The following PLAUR variants were observed in gnomAD, a reference collection of about 807,000 sequenced individuals.
PLAUR encodes urokinase plasminogen activator surface receptor.
In PLAUR, 22 loss-of-function variants were observed where a neutral mutation model predicts 33.4. The ratio of observed to expected loss-of-function variants is 0.66; its 90% CI spans 0.47 to 0.94. The LOEUF is 0.94. PLAUR is among the 40% of genes least tolerant of loss of function. The pLI, the probability that PLAUR is intolerant of heterozygous loss-of-function variation, is 0.00. For missense variants in PLAUR, 408 were observed against 434.7 expected, an observed-to-expected ratio of 0.94 and a Z score of 0.55; for synonymous variants, 148 against 167.3, an observed-to-expected ratio of 0.88 and a Z score of 0.89.
chr19:43,646,450 A>G, downstream of PLAUR: 1 of 718,202 alleles, frequency 1.4e-6, no homozygotes. Context: ...CTATCTCCAC[A>G]TGGCATTTAT....
chr19:43,668,101 G>A, intron 1 of PLAUR: 1 of 1,013,172 alleles, frequency 9.9e-7, no homozygotes, highest in African/African-American at 1.7e-5. Flanking sequence ...TTCTAGCCTT[G>A]CCCCACCCGC....
rs143625141 is a variant in PLAUR at position 43,656,584 on chromosome 19, A to G, written c.367T>C (p.Ser123Pro). Residue 123 changes from serine (S) to proline (P), a missense_variant, in exon 4 of 7, where the codon TCA (serine) becomes CCA (proline). Coordinates refer to ENST00000340093, the MANE Select transcript of PLAUR (RefSeq NM_002659.4). ...CGGCCCCTCTCACAGCTCATGTCTG[A>G]TGAGCCACAGGAAATGCATTCGAGG... ...RYLECISCGSSDMSCERGRHQ... is the reference protein window; with the variant it reads ...RYLECISCGSPDMSCERGRHQ... The G allele has an allele frequency of 6.2e-6, 10 of 1,612,424 alleles. No homozygotes were observed. Among genetic ancestry groups the G allele is most frequent in the Non-Finnish European group, 7.6e-6 (9 of 1,179,210 alleles).
intron 1 of PLAUR, chr19:43,668,065 A>C: frequency 9.5e-7 from 1 of 1,049,714 alleles, no homozygotes. Context: ...TCGGTCGATT[A>C]CGCCTCTCCA....
rs542480431 is a variant in PLAUR, at chr19:43,663,471, G to C, written c.310+1845C>G. Among the ~76,000 whole-genome samples, 328 of 151,948 alleles carry C rather than the reference G, an allele frequency of 2.2e-3. 1 individual carries two copies. Among genetic ancestry groups the C allele is most frequent in the African/African-American group, 7.5e-3 (312 of 41,442 alleles). ...CCAACTATGCAAGTTGCCACAAGCA[G>C]GGTACAATGGCATTAGAAATGGGGA... On this transcript the variant is annotated intron_variant, in intron 3 of 6. Coordinates refer to ENST00000340093, the MANE Select transcript of PLAUR (RefSeq NM_002659.4).
At chr19:43,670,023 T>G (rs1291707766) in intron 1 of PLAUR, 43 bp downstream of exon 1, 1 of 1,599,652 alleles carries the variant, frequency 6.3e-7, no homozygotes. Flanking sequence ...CCCCCTCAAT[T>G]AGACCCTGTT....
chr19:43,659,721 G>A (rs1238775544), intron 3 of PLAUR, among the ~76,000 whole-genome samples: 2 of 152,104 alleles, frequency 1.3e-5, no homozygotes, highest in African/African-American at 2.4e-5. Context: ...TCCAGTCCCC[G>A]GGGCAGAAAC....
intron 2 of PLAUR, among the ~76,000 whole-genome samples, chr19:43,666,745 T>C (rs1967273114): frequency 6.6e-6 from 1 of 151,708 alleles, no homozygotes. Context: ...TTTTTGTATT[T>C]TTTAGTAGAG....
At chr19:43,646,485 C>A (rs1040791504), downstream of PLAUR, 10 of 718,236 alleles carry the variant, frequency 1.4e-5, no homozygotes, top group Non-Finnish European at 2.3e-5. Flanking sequence ...GGCTTCCTCA[C>A]AGCATGGTGG....
At chr19:43,664,490 T>G (rs1013290389) in intron 3 of PLAUR, among the ~76,000 whole-genome samples, 1 of 152,172 alleles carries the variant, frequency 6.6e-6, no homozygotes, top group Non-Finnish European at 1.5e-5. Context: ...AGCCATGAAA[T>G]TCGACAAAGG....
intron 1 of PLAUR, 54 bp from the exon 2 acceptor site, chr19:43,667,745 C>G: frequency 6.3e-7 from 1 of 1,589,100 alleles, no homozygotes; most frequent in Non-Finnish European, 8.6e-7. Context: ...GCTCCAAGAC[C>G]CCCGCTCACC....
chr19:43,658,691 T>C (rs1974310004), intron 3 of PLAUR, among the ~76,000 whole-genome samples: 3 of 152,108 alleles, frequency 2.0e-5, no homozygotes, highest in Admixed American at 2.0e-4. Flanking sequence ...AAGACACATC[T>C]AAGCTGAGTC....
chr19:43,669,468 C>T (rs1174888302), intron 1 of PLAUR, among the ~76,000 whole-genome samples: 2 of 152,114 alleles, frequency 1.3e-5, no homozygotes, highest in Non-Finnish European at 2.9e-5. Flanking sequence ...AAAGTCCCAT[C>T]GCCTAGTTTG....
intron 3 of PLAUR, chr19:43,660,913 T>C (rs2283631): frequency 0.11 from 17,290 of 151,750 alleles, 1,065 homozygotes; most frequent in East Asian, 0.23. Context: ...TTAGGGCTGG[T>C]CTATTTCACT....
At chr19:43,666,269 A>C (rs4251828) in intron 2 of PLAUR, among the ~76,000 whole-genome samples, 290 of 152,138 alleles carry the variant, frequency 1.9e-3, no homozygotes, top group African/African-American at 6.7e-3. Flanking sequence ...CTTATAAAAA[A>C]CGTATCATAT....
chr19:43,663,377 G>T (rs1201854875), intron 3 of PLAUR, among the ~76,000 whole-genome samples: 2 of 150,198 alleles, frequency 1.3e-5, no homozygotes, highest in Non-Finnish European at 3.0e-5. Context: ...CATGGAGTCA[G>T]GCAGGGCACA....
intron 1 of PLAUR, among the ~76,000 whole-genome samples, chr19:43,669,111 C>T (rs934345861): frequency 2.0e-5 from 3 of 147,014 alleles, no homozygotes; most frequent in African/African-American, 7.3e-5. Context: ...GCCCCAACAC[C>T]CTGTGGCCAC....
intron 3 of PLAUR, 100 bp downstream of exon 3, chr19:43,665,216 G>T: frequency 1.6e-6 from 2 of 1,235,226 alleles, no homozygotes; most frequent in Non-Finnish European, 2.4e-6. Context: ...GCATGGAGTT[G>T]GGGTTCAGCT....
chr19:43,669,685 G>A (rs1313918548), intron 1 of PLAUR, among the ~76,000 whole-genome samples: 5 of 151,848 alleles, frequency 3.3e-5, no homozygotes, highest in African/African-American at 7.2e-5. Context: ...GATGGCAGGC[G>A]CCTGTAATCC....
intron 6 of PLAUR, among the ~76,000 whole-genome samples, chr19:43,650,800 C>T (rs563216155): frequency 4.6e-5 from 7 of 151,748 alleles, no homozygotes; most frequent in East Asian, 3.9e-4. Context: ...TTTGGGAGGC[C>T]GAGGCAGGCA....
Sources: allele counts gnomAD v4.1 joint callset (sites outside exome capture counted in the v4.1 genomes callset), GRCh38; gene constraint gnomAD v4.1.1; transcripts MANE v1.5; gene names NCBI Gene and HGNC (gene_info 2026-07-23, HGNC 2026-07-21).